MINDY4B: variants seen among roughly 807,000 people sequenced by gnomAD.
MINDY4B encodes inactive ubiquitin carboxyl-terminal hydrolase MINDY-4B.
Under a neutral mutation model 16.7 loss-of-function variants are expected in MINDY4B, and 25 were observed. The observed-to-expected ratio is 1.49, with a 90% CI of 1.09 to 2.09. MINDY4B has a LOEUF of 2.09. MINDY4B is among the 30% of genes most tolerant of loss of function. The pLI is 0.00. For missense variants in MINDY4B, 327 were observed against 168.4 expected, an observed-to-expected ratio of 1.94 and a Z score of -5.21; for synonymous variants, 132 against 61.9, an observed-to-expected ratio of 2.13 and a Z score of -5.32.
chr3:150,870,996 T>C lies in MINDY4B; in HGVS notation c.*49A>G, dbSNP rs778044279. ...GTCTCCCCCACATTAGGCTTTTGCA[T>C]CCCAGCAGTTCTGACACTTCAGACT... On this transcript the variant is annotated 3_prime_UTR_variant, in exon 12 of 12. Transcript: ENST00000465419. The C allele has an allele frequency of 3.7e-5, 25 of 677,544 alleles. No homozygotes were observed. The highest frequency in any genetic ancestry group is 6.7e-5 in the Non-Finnish European group (25 of 373,596). The allele number at this position is 677,544 out of a possible 1,614,324, so 42.0% of individuals were successfully genotyped here. A position where few individuals can be genotyped will look rare whatever the true frequency, so the allele number is the denominator to read the frequency against.
At chr3:150,896,067 C>T (rs1304521331) in intron 3 of MINDY4B, among the ~76,000 whole-genome samples, 4 of 151,930 alleles carry the variant, frequency 2.6e-5, no homozygotes, top group Admixed American at 6.6e-5. Flanking sequence ...TTCATATTTT[C>T]GGATTCTTTT....
Position 150,903,388 on chromosome 3 carries a change from T to A in MINDY4B, c.170A>T (p.Asp57Val), listed in dbSNP as rs1712161371. Residue 57 changes from aspartate to valine, a missense_variant, in exon 3 of 12, where the codon GAT becomes GTT. Transcript: ENST00000465419. ...TAGTCCTGTTCCATCTTCATTTTCA[T>A]CAGCAGATGTATGGTTGCCTTCATG... ...QNHEGNHTSADENEDGTGLSQ... is the reference protein window; with the variant it reads ...QNHEGNHTSAVENEDGTGLSQ... 3 of 398,470 alleles carry A rather than the reference T, an allele frequency of 7.5e-6. No individual in the cohort carries two copies. Among genetic ancestry groups the A allele is most frequent in the Non-Finnish European group, 1.3e-5 (3 of 226,028 alleles). The allele number at this position is 398,470 out of a possible 1,614,324, so 24.7% of individuals were successfully genotyped here. A position where few individuals can be genotyped will look rare whatever the true frequency, so the allele number is the denominator to read the frequency against.
chr3:150,891,495 C>T (rs1711802802), intron 5 of MINDY4B, among the ~76,000 whole-genome samples: 1 of 152,102 alleles, frequency 6.6e-6, no homozygotes, highest in Admixed American at 6.6e-5. Context: ...GGCACCGTGG[C>T]TCATGCCTGT....
intron 5 of MINDY4B, among the ~76,000 whole-genome samples, chr3:150,891,927 C>T (rs1257986993): frequency 2.0e-5 from 3 of 152,164 alleles, no homozygotes; most frequent in African/African-American, 7.2e-5. Context: ...GACGTAGTTA[C>T]TTGTTCACAT....
At position 150,883,093 on chromosome 3, in the gene MINDY4B, G is replaced by A. The variant is rs1452604245; in HGVS notation, c.898-35C>T. The A allele has an allele frequency of 6.4e-6, 4 of 625,146 alleles. No homozygotes were observed. In the East Asian group the frequency reaches 8.7e-5, roughly 14 times the overall value. 38.7% of individuals were successfully genotyped at this position (625,146 alleles called of 1,614,324 possible). On this transcript the variant is annotated intron_variant, in intron 9 of 11. Coordinates refer to ENST00000465419, the MANE Select transcript of MINDY4B (RefSeq NM_001351281.2). ...ATATTTTACAGATACTTATATTTTA[G>A]ATAGCAATGAAACAATAACTTAATT...
In MINDY4B at chr3:150,883,041, A is replaced by G. The variant is rs1418612536; in HGVS notation, c.915T>C (p.Ile305=). The change falls in exon 10 of 12, where the codon ATT becomes ATC. Residue 305 remains isoleucine (I), a synonymous_variant. Transcript: ENST00000465419. The stretch of plus-strand genomic sequence containing the variant: ...CATTGGGACTTGCTCTTCCAGTTAA[A>G]ATCATGTTCAGAACTGCCTAGAGAG... The part of the protein sequence containing the change: ...FLCRQAVLNM[I]LTGRASPNVF... 2.9e-6 allele frequency: 2 copies of G among 701,500 alleles called. No homozygotes were observed. The highest frequency in any genetic ancestry group is 3.5e-5 in the African/African-American group (2 of 57,182). 43.5% of individuals were successfully genotyped at this position (701,500 alleles called of 1,614,324 possible). A position where few individuals can be genotyped will look rare whatever the true frequency, so the allele number is the denominator to read the frequency against.
At chr3:150,884,935 A>G (rs1018031638) in intron 8 of MINDY4B, among the ~76,000 whole-genome samples, 1 of 152,010 alleles carries the variant, frequency 6.6e-6, no homozygotes, top group African/African-American at 2.4e-5. Flanking sequence ...CCCAGCCTGG[A>G]CTCTGCAGGA....
chr3:150,872,398 A>G (rs759198630), intron 11 of MINDY4B, among the ~76,000 whole-genome samples: 10 of 152,356 alleles, frequency 6.6e-5, no homozygotes, highest in Middle Eastern at 6.8e-3. Flanking sequence ...CTTGTGGTGC[A>G]AAGTCAGACA....
chr3:150,888,009 A>G (rs1050593481), intron 7 of MINDY4B, among the ~76,000 whole-genome samples: 1 of 152,178 alleles, frequency 6.6e-6, no homozygotes, highest in African/African-American at 2.4e-5. Context: ...TCGGAGGCTG[A>G]GGCAGGAGAA....
rs550297664 is a variant in MINDY4B at position 150,897,563 on chromosome 3, C to T, written c.310-3258G>A. Among the ~76,000 whole-genome samples, 3 of 152,228 alleles carry T rather than the reference C, an allele frequency of 2.0e-5. No homozygotes were observed. The East Asian group carries it at 5.8e-4, about 29-fold the overall frequency. ...GCATGGAGCAGGCCCTGAGAGTAGG[C>T]TCTACTGGTTTCTAAAAAGGAAAGA... On this transcript the variant is annotated intron_variant, in intron 3 of 11. Transcript: ENST00000465419.
At chr3:150,872,462 C>T (rs1716992291) in intron 11 of MINDY4B, among the ~76,000 whole-genome samples, 1 of 152,196 alleles carries the variant, frequency 6.6e-6, no homozygotes, top group Non-Finnish European at 1.5e-5. Flanking sequence ...CCCAGTTTGT[C>T]CAGTGTTAAT....
At chr3:150,872,871 T>C (rs1032819625) in intron 11 of MINDY4B, among the ~76,000 whole-genome samples, 2 of 152,214 alleles carry the variant, frequency 1.3e-5, no homozygotes, top group African/African-American at 4.8e-5. Context: ...TACCTCATGC[T>C]CCAAAATCAA....
At chr3:150,884,490 T>G (rs559355227) in intron 8 of MINDY4B, among the ~76,000 whole-genome samples, 1 of 152,326 alleles carries the variant, frequency 6.6e-6, no homozygotes, top group Admixed American at 6.5e-5. Flanking sequence ...GACTTGAACA[T>G]TTTAGAATTT....
chr3:150,874,005 ATTTTTTTTTT>A lies in MINDY4B; in HGVS notation c.1060-648_1060-639del, dbSNP rs558319330. Among the ~76,000 whole-genome samples the A allele has an allele frequency of 1.4e-3, 113 of 81,994 alleles. 1 individual carries two copies. Among genetic ancestry groups the A allele is most frequent in the South Asian group, 3.5e-3 (6 of 1,734 alleles). 53.8% of individuals were successfully genotyped at this position (81,994 alleles called of 152,430 possible). A position where few individuals can be genotyped will look rare whatever the true frequency, so the allele number is the denominator to read the frequency against. ...GTACTTGTCAATCAATTTAGCCTTG[ATTTTTTTTTT>A]TTTTTTTTTTTTTTTTTAAAGACAG... On this transcript the variant is annotated intron_variant, in intron 10 of 11. Coordinates refer to ENST00000465419, the MANE Select transcript of MINDY4B (RefSeq NM_001351281.2).
chr3:150,875,556 C>A (rs1290645425), intron 10 of MINDY4B, among the ~76,000 whole-genome samples: 1 of 152,140 alleles, frequency 6.6e-6, no homozygotes, highest in Non-Finnish European at 1.5e-5. Flanking sequence ...ACATACTCTG[C>A]CAGGTGCTGA....
intron 3 of MINDY4B, among the ~76,000 whole-genome samples, chr3:150,898,478 G>A (rs554411043): frequency 2.3e-4 from 35 of 152,286 alleles, no homozygotes; most frequent in South Asian, 2.3e-3. Flanking sequence ...GCCAGGCCCC[G>A]TTGGCCAGTG....
At chr3:150,883,815 G>A in intron 8 of MINDY4B, 43 bp from the exon 9 acceptor site, 1 of 699,114 alleles carries the variant, frequency 1.4e-6, no homozygotes, top group Non-Finnish European at 2.6e-6. Flanking sequence ...CAGAGACAGT[G>A]CACCGGGAGC....
chr3:150,879,581 G>A (rs1055673708), intron 10 of MINDY4B, among the ~76,000 whole-genome samples: 1 of 152,238 alleles, frequency 6.6e-6, no homozygotes, highest in Non-Finnish European at 1.5e-5. Flanking sequence ...TCTTTGGGTA[G>A]TGTTGGCTAC....
intron 10 of MINDY4B, among the ~76,000 whole-genome samples, chr3:150,874,127 C>T (rs770725924): frequency 7.9e-5 from 12 of 151,430 alleles, no homozygotes; most frequent in Admixed American, 2.0e-4. Flanking sequence ...GTGATCCTCC[C>T]GCCTCAGCCC....
Sources: allele counts gnomAD v4.1 joint callset (sites outside exome capture counted in the v4.1 genomes callset), GRCh38; gene constraint gnomAD v4.1.1; transcripts MANE v1.5; gene names NCBI Gene and HGNC (gene_info 2026-07-23, HGNC 2026-07-21).